The following GABBR2 variants were observed in gnomAD, a reference collection of about 807,000 sequenced individuals.
The protein encoded by GABBR2 is gamma-aminobutyric acid type B receptor subunit 2.
Under a neutral mutation model 105.6 loss-of-function variants are expected in GABBR2, and 23 were observed. The ratio of observed to expected loss-of-function variants is 0.22; its 90% confidence interval spans 0.16 to 0.31. The LOEUF is 0.31. Among genes scored for constraint, GABBR2 ranks in the 10% least tolerant of loss-of-function variants. GABBR2 has a pLI of 1.00. For synonymous variants in GABBR2, 478 were observed against 499.7 expected (o/e 0.96, Z 0.58); for missense variants, 734 against 1,245.5 (o/e 0.59, Z 6.18).
intron 2 of GABBR2, among the ~76,000 whole-genome samples, chr9:98,569,565 C>A (rs182111821): frequency 3.0e-4 from 45 of 152,268 alleles, no homozygotes; most frequent in Middle Eastern, 6.8e-3. Flanking sequence ...ACATAGAAGG[C>A]AGGTTTGCTA....
intron 3 of GABBR2, among the ~76,000 whole-genome samples, chr9:98,505,922 G>A (rs550255016): frequency 1.3e-5 from 2 of 152,168 alleles, no homozygotes; most frequent in South Asian, 2.1e-4. Flanking sequence ...GATTTGTTTC[G>A]GCAGCCACAG....
At chr9:98,371,430 T>C (rs370068346) in intron 12 of GABBR2, 34 bp downstream of exon 12, 2 of 1,096,996 alleles carry the variant, frequency 1.8e-6, no homozygotes, top group Admixed American at 1.7e-5. Flanking sequence ...GGGTGAACAC[T>C]ACTAATACCC....
At chr9:98,503,984 A>C (rs914255806) in intron 3 of GABBR2, among the ~76,000 whole-genome samples, 1 of 152,146 alleles carries the variant, frequency 6.6e-6, no homozygotes, top group Non-Finnish European at 1.5e-5. Flanking sequence ...TAAGAGCAAC[A>C]GAATCATCAA....
At chr9:98,298,030 A>T (rs1439528068) in intron 17 of GABBR2, among the ~76,000 whole-genome samples, 1 of 139,880 alleles carries the variant, frequency 7.1e-6, no homozygotes, top group Non-Finnish European at 1.5e-5. Flanking sequence ...TGACAGAGTG[A>T]GACTCCATCT....
In GABBR2 at chr9:98,290,624, T is replaced by C. The variant is rs374827661; in HGVS notation, c.2786A>G (p.His929Arg). ...CATGACTCGGAAGGAGGGTGGCACATGTCTGTGGCGGGGGCTGGCGGTGGG... is the reference window on the plus strand; with the variant it reads ...CATGACTCGGAAGGAGGGTGGCACACGTCTGTGGCGGGGGCTGGCGGTGGG... ...VSPTASPRHRHVPPSFRVMVS... is the reference protein window; with the variant it reads ...VSPTASPRHRRVPPSFRVMVS... The change falls in exon 19 of 19, where the codon CAT (histidine) becomes CGT (arginine). Residue 929 changes from histidine (H) to arginine (R), a missense_variant. Around this residue, in one of 7 missense-constraint regions of GABBR2, gnomAD observed 134 missense variants for 171.2 expected, o/e 0.78. Transcript: ENST00000259455. 3.5e-5 allele frequency: 51 copies of C among 1,443,566 alleles called. No homozygotes were observed. Among genetic ancestry groups the C allele is most frequent in the Non-Finnish European group, 1.1e-5 (12 of 1,101,726 alleles). The allele number at this position is 1,443,566 out of a possible 1,614,324, so 89.4% of individuals were successfully genotyped here.
chr9:98,610,692 C>G (rs1829492656), intron 1 of GABBR2, among the ~76,000 whole-genome samples: 1 of 151,790 alleles, frequency 6.6e-6, no homozygotes, highest in Admixed American at 6.6e-5. Flanking sequence ...GGGAGAGGCA[C>G]AAAAGGATTG....
At chr9:98,525,281 A>T (rs1005371291) in intron 3 of GABBR2, among the ~76,000 whole-genome samples, 1 of 152,258 alleles carries the variant, frequency 6.6e-6, no homozygotes, top group Admixed American at 6.5e-5. Context: ...AATCCAGAAT[A>T]TATAAAGAAT....
intron 7 of GABBR2, among the ~76,000 whole-genome samples, chr9:98,431,670 G>A (rs1380104111): frequency 6.6e-6 from 1 of 151,692 alleles, no homozygotes; most frequent in Non-Finnish European, 1.5e-5. Flanking sequence ...GGGAGCCATG[G>A]AAGGTTTTGT....
At chr9:98,595,388 C>G (rs1200309002) in intron 1 of GABBR2, among the ~76,000 whole-genome samples, 3 of 151,550 alleles carry the variant, frequency 2.0e-5, no homozygotes, top group Non-Finnish European at 4.4e-5. Context: ...GGAAAGGAAA[C>G]TTTTAGACTG....
At chr9:98,693,080 G>A (rs565706171) in intron 1 of GABBR2, among the ~76,000 whole-genome samples, 3 of 152,104 alleles carry the variant, frequency 2.0e-5, no homozygotes, top group Non-Finnish European at 4.4e-5. Flanking sequence ...TTCCTCACCC[G>A]GACACCTCGA....
chr9:98,503,008 A>C (rs2779556), intron 3 of GABBR2, among the ~76,000 whole-genome samples: 146,410 of 152,320 alleles, frequency 0.96, 70,422 homozygotes, highest in African/African-American at 0.99. Context: ...AAGACCAAAA[A>C]TGTTCACTGT....
intron 11 of GABBR2, among the ~76,000 whole-genome samples, chr9:98,371,813 A>G (rs1831788012): frequency 6.6e-6 from 1 of 152,230 alleles, no homozygotes; most frequent in Non-Finnish European, 1.5e-5. Flanking sequence ...CATGCCTTAG[A>G]TGGGCCTAGA....
chr9:98,379,092 C>T (rs985968257), intron 11 of GABBR2, among the ~76,000 whole-genome samples: 1 of 152,136 alleles, frequency 6.6e-6, no homozygotes, highest in Admixed American at 6.5e-5. Context: ...TGCTGCCTGC[C>T]CCAAAGCCCC....
intron 7 of GABBR2, among the ~76,000 whole-genome samples, chr9:98,434,397 C>CA (rs914153441): frequency 3.3e-5 from 5 of 152,164 alleles, no homozygotes; most frequent in African/African-American, 7.2e-5. Context: ...GCTCAGGGCA[C>CA]AAGCAGCTGA....
At position 98,680,066 on chromosome 9, in the gene GABBR2, GC is replaced by G. The variant is rs202011192; in HGVS notation, c.321+28350del. 3.1e-3 allele frequency among the ~76,000 whole-genome samples: 477 copies of G among 152,136 alleles called. 10 individuals carry two copies. The East Asian group carries it at 0.039, about 12-fold the overall frequency. ...CTTTAATCTATCTTTTGTTATAGGG[GC>G]CTAAGCCATGAACCTAGCAATGAGT... is the stretch of plus-strand genomic sequence containing the variant. On this transcript the variant is annotated intron_variant, in intron 1 of 18. Coordinates refer to ENST00000259455, the MANE Select transcript of GABBR2 (RefSeq NM_005458.8).
At chr9:98,305,936 T>C (rs2131354434) in intron 15 of GABBR2, among the ~76,000 whole-genome samples, 185 bp downstream of exon 15, 1 of 152,152 alleles carries the variant, frequency 6.6e-6, no homozygotes, top group Admixed American at 6.5e-5. Flanking sequence ...GGTGGGACTA[T>C]GGGAAATTTC....
intron 18 of GABBR2, among the ~76,000 whole-genome samples, chr9:98,292,639 T>G (rs916048288): frequency 7.2e-5 from 11 of 152,196 alleles, no homozygotes; most frequent in African/African-American, 2.7e-4. Context: ...TAAGGCAAGA[T>G]CATGCTGGCA....
At chr9:98,427,540 A>G (rs1465694254) in intron 7 of GABBR2, among the ~76,000 whole-genome samples, 1 of 152,206 alleles carries the variant, frequency 6.6e-6, no homozygotes, top group Non-Finnish European at 1.5e-5. Context: ...GTGGCCCCAA[A>G]TGACTCTTGC....
chr9:98,379,970 CTTTTT>C lies in GABBR2; in HGVS notation c.1662+5665_1662+5669del, dbSNP rs879488907. 3.4e-5 allele frequency among the ~76,000 whole-genome samples: 5 copies of C among 145,008 alleles called. No homozygotes were observed. In the East Asian group the frequency reaches 8.0e-4, roughly 23 times the overall value. Reference sequence around the variant, plus strand: ...ACCAGATCCCTAAGAACTTAGTTGACTTTTTTTTTTTTTCTGGTATAAGCCAGCTA... The same window carrying C: ...ACCAGATCCCTAAGAACTTAGTTGACTTTTTTTTCTGGTATAAGCCAGCTA... On this transcript the variant is annotated intron_variant, in intron 11 of 18. Transcript: ENST00000259455.
Sources: gnomAD v4.1 joint callset for allele counts (sites outside exome capture counted in the v4.1 genomes callset) on GRCh38, gnomAD v4.1.1 for gene constraint, gnomAD v4.1.1 regional missense constraint, MANE v1.5 for transcripts, NCBI Gene and HGNC (gene_info 2026-07-23, HGNC 2026-07-21) for gene names.